Variants in PIEZO2 observed in about 807,000 individuals in gnomAD.
The protein encoded by PIEZO2 is piezo type mechanosensitive ion channel component 2.
PIEZO2 carries 172 observed loss-of-function variants against 337.3 expected under a neutral mutation model. That is an observed-to-expected ratio of 0.51 (90% confidence interval 0.45 to 0.58). The LOEUF is 0.58. PIEZO2 is among the 20% of genes least tolerant of loss of function. The probability of loss-of-function intolerance (pLI) is 0.00; values close to 1 mark genes in which losing one functional copy is unlikely to be tolerated. For synonymous variants in PIEZO2, 1,251 were observed against 1,228.5 expected, an observed-to-expected ratio of 1.02 and a Z score of -0.38; for missense variants, 3,028 against 3,391.3, an observed-to-expected ratio of 0.89 and a Z score of 2.66.
At chr18:11,081,312 G>A (rs1308767759) in intron 1 of PIEZO2, among the ~76,000 whole-genome samples, 2 of 152,124 alleles carry the variant, frequency 1.3e-5, no homozygotes, top group Non-Finnish European at 2.9e-5. Flanking sequence ...CAAAGAAAGT[G>A]GAAAAATACA....
chr18:10,703,089 A>C (rs531295088), intron 42 of PIEZO2, among the ~76,000 whole-genome samples: 1 of 152,248 alleles, frequency 6.6e-6, no homozygotes, highest in African/African-American at 2.4e-5. Context: ...CCTGACCTCA[A>C]GTGATCCTCC....
In PIEZO2 at chr18:10,699,129, T is replaced by C; in HGVS notation, c.6490A>G (p.Arg2164Gly). 6.5e-7 allele frequency: 1 copy of C among 1,537,252 alleles called. No individual in the cohort carries two copies. The highest frequency in any genetic ancestry group is 1.2e-5 in the South Asian group (1 of 84,064). ...EDDMTESGMA[R>G]EESDDELSLG... Reference sequence around the variant, plus strand: ...GAGAGCTCATCATCTGATTCCTCCCTGGCCATGCCACTTTCAGTCATGTCA... The same window carrying C: ...GAGAGCTCATCATCTGATTCCTCCCCGGCCATGCCACTTTCAGTCATGTCA... Residue 2164 changes from arginine (R) to glycine (G), a missense_variant, in exon 44 of 56, where the codon AGG becomes GGG. Physicochemically the swap from Arg to Gly is moderately radical, Grantham distance 125. Coordinates refer to ENST00000674853, the MANE Select transcript of PIEZO2 (RefSeq NM_001378183.1).
chr18:10,672,918 G>A lies in PIEZO2; in HGVS notation c.8162-45C>T. ...AAATTAAGTTGACATGAGAATTTTA[G>A]GATTTCATGCACAGCAACAGTTTTC... On this transcript the variant is annotated intron_variant, in intron 54 of 55. Transcript: ENST00000674853. This position sits in a 1 kb window ranked among gnomAD's most constrained non-coding sequence, Gnocchi z 4.7. The A allele has an allele frequency of 6.7e-7, 1 of 1,495,960 alleles. No homozygotes were observed. The highest frequency in any genetic ancestry group is 9.2e-7 in the Non-Finnish European group (1 of 1,091,004). 92.7% of individuals were successfully genotyped at this position (1,495,960 alleles called of 1,614,324 possible).
rs528042085 is a variant in PIEZO2 at position 10,812,023 on chromosome 18, C to G, written c.918-4749G>C. On this transcript the variant is annotated intron_variant, in intron 7 of 55. Coordinates refer to ENST00000674853, the MANE Select transcript of PIEZO2 (RefSeq NM_001378183.1). ...TAACTTTTTGTATTTTTAGTAGAGA[C>G]GGGGTTTCACCGTGTTAGCCAGGAT... Among the ~76,000 whole-genome samples the G allele has an allele frequency of 7.2e-5, 11 of 152,170 alleles. No homozygotes were observed. In the East Asian group the frequency reaches 2.1e-3, roughly 29 times the overall value.
At chr18:10,809,267 T>C (rs1416700260) in intron 7 of PIEZO2, among the ~76,000 whole-genome samples, 5 of 125,042 alleles carry the variant, frequency 4.0e-5, no homozygotes, top group Non-Finnish European at 6.6e-5. Context: ...TCTCTTTTTT[T>C]TTTTTTTTTT....
intron 40 of PIEZO2, 109 bp from the exon 41 acceptor site, chr18:10,705,855 T>G (rs1005381439): frequency 8.4e-6 from 11 of 1,302,294 alleles, no homozygotes; most frequent in Non-Finnish European, 4.1e-6. Flanking sequence ...AATGCCCCAT[T>G]TTCCCCCCTG....
chr18:10,701,827 T>C (rs1382178300), intron 43 of PIEZO2, 162 bp downstream of exon 43: 4 of 498,794 alleles, frequency 8.0e-6, no homozygotes, highest in African/African-American at 2.2e-5. Flanking sequence ...CTTTTTCTTT[T>C]CTCTCTCTTT....
At chr18:10,703,117 G>A (rs1020591160) in intron 42 of PIEZO2, among the ~76,000 whole-genome samples, 2 of 152,188 alleles carry the variant, frequency 1.3e-5, no homozygotes, top group Non-Finnish European at 2.9e-5. Flanking sequence ...GCCTCTTAAA[G>A]TGCTGGGACT....
chr18:10,949,745 T>C (rs772488579), intron 3 of PIEZO2, among the ~76,000 whole-genome samples: 2 of 152,186 alleles, frequency 1.3e-5, no homozygotes, highest in African/African-American at 4.8e-5. Flanking sequence ...CTCTAAGAAG[T>C]CATTATCAGA....
chr18:10,971,046 T>A (rs2034216275), intron 3 of PIEZO2, among the ~76,000 whole-genome samples: 1 of 152,154 alleles, frequency 6.6e-6, no homozygotes, highest in Admixed American at 6.5e-5. Flanking sequence ...ATGCTTGGCA[T>A]TAATCAGGCC....
Position 10,696,094 on chromosome 18 carries a change from G to A in PIEZO2, c.7170C>T (p.Ile2390=). The stretch of plus-strand genomic sequence containing the variant: ...CTTACCTCTCAGTCACACCAGGTAA[G>A]ATGAAGAACATCCAGAAGTGAATTC... ...VFGIHFWMFF[I]LPGVTERKFS... Residue 2390 remains isoleucine (I), a synonymous_variant, in exon 47 of 56, where the codon ATC becomes ATT. Transcript: ENST00000674853. 1 of 1,614,052 alleles carries A rather than the reference G, an allele frequency of 6.2e-7. No homozygotes were observed. The highest frequency in any genetic ancestry group is 8.5e-7 in the Non-Finnish European group (1 of 1,179,886).
intron 16 of PIEZO2, among the ~76,000 whole-genome samples, chr18:10,785,680 C>A (rs1485908758): frequency 2.6e-5 from 4 of 152,146 alleles, no homozygotes; most frequent in African/African-American, 7.2e-5. Flanking sequence ...TCCACATTTC[C>A]TTCAGCATCC....
intron 1 of PIEZO2, among the ~76,000 whole-genome samples, chr18:11,089,832 C>G (rs142580714): frequency 6.6e-6 from 1 of 152,224 alleles, no homozygotes; most frequent in Non-Finnish European, 1.5e-5. Context: ...CTCTGTCCAA[C>G]GAGCATTTCC....
At chr18:10,788,427 AAAGGAAGGAAGGAAGGAAGGAAGGAAGG>A (rs10532745) in intron 15 of PIEZO2, among the ~76,000 whole-genome samples, 22 of 123,948 alleles carry the variant, frequency 1.8e-4, no homozygotes, top group Admixed American at 9.3e-4. Flanking sequence ...AAAAAGAAAG[AAAGGAAGGAAGGAAGGAAGGAAGGAAGG>A]AAGGAAGGAA....
rs1291250170 is a variant in PIEZO2, at chr18:11,143,309, C to CA, written c.64+5215dup. ...TTCTAAGTTCTCCTGAATATTTATG[C>CA]AAAAAAGCATATTATACACATCATT... is the stretch of plus-strand genomic sequence containing the variant. On this transcript the variant is annotated intron_variant, in intron 1 of 55. Transcript: ENST00000674853. The surrounding 1 kb of genome is among the most constrained non-coding windows in gnomAD (Gnocchi z 4.9). Among the ~76,000 whole-genome samples the CA allele has an allele frequency of 4.0e-5, 6 of 151,882 alleles. No homozygotes were observed. The highest frequency in any genetic ancestry group is 5.9e-5 in the Non-Finnish European group (4 of 67,962).
rs7244357 is a variant in PIEZO2 at position 11,002,567 on chromosome 18, T to G, written c.161-22907A>C. Among the ~76,000 whole-genome samples the G allele has an allele frequency of 0.039, 6,005 of 152,288 alleles. 377 individuals are homozygous for G. The highest frequency in any genetic ancestry group is 0.13 in the African/African-American group (5,554 of 41,530). ...AGAAGACCCCACACACACTTTCACT[T>G]TCTCTAATTTCACCATTTCCAGAAG... On this transcript the variant is annotated intron_variant, in intron 2 of 55. Transcript: ENST00000674853. The surrounding 1 kb of genome is among the most constrained non-coding windows in gnomAD (Gnocchi z 4.3).
intron 4 of PIEZO2, among the ~76,000 whole-genome samples, chr18:10,892,990 G>C (rs750928006): frequency 6.6e-6 from 1 of 152,180 alleles, no homozygotes; most frequent in Non-Finnish European, 1.5e-5. Context: ...TTTCAACAGA[G>C]CTGCTTCAGT....
At position 10,761,020 on chromosome 18, in the gene PIEZO2, G is replaced by A. The variant is rs1281865492; in HGVS notation, c.3341C>T (p.Pro1114Leu). Residue 1114 changes from proline (P) to leucine (L), a missense_variant, in exon 24 of 56, where the codon CCT becomes CTT. Physicochemically the swap from Pro to Leu is moderately conservative, Grantham distance 98. Transcript: ENST00000674853. The part of the protein sequence containing the change: ...YYRGRNNLTA[P>L]VSRTIFHDIT... ...GTCATGAAAGATAGTTCTAGACACA[G>A]GGGCCGTCAGGTTATTTCGACCTCG... is the stretch of plus-strand genomic sequence containing the variant. 6.5e-7 allele frequency: 1 copy of A among 1,536,562 alleles called. No homozygotes were observed. The highest frequency in any genetic ancestry group is 1.4e-5 in the African/African-American group (1 of 73,158).
In PIEZO2 at chr18:10,672,791, C is replaced by T. The variant is rs747632793; in HGVS notation, c.8244G>A (p.Leu2748=). 6.2e-7 allele frequency: 1 copy of T among 1,613,876 alleles called. No homozygotes were observed. The highest frequency in any genetic ancestry group is 1.1e-5 in the South Asian group (1 of 91,068). ...TCGGATTGTATATTCTGTTTCCAGT[C>T]AGGTTGAGAACCCACCACTCACTGT... ...KYNSEWWVLN[L]TGNRIYNPNS... The change falls in exon 55 of 56, where the codon CTG becomes CTA. Residue 2748 remains leucine (L), a synonymous_variant. Coordinates refer to ENST00000674853, the MANE Select transcript of PIEZO2 (RefSeq NM_001378183.1). The surrounding 1 kb of genome is among the most constrained non-coding windows in gnomAD (Gnocchi z 4.7).
Sources: gnomAD v4.1 joint callset for allele counts (sites outside exome capture counted in the v4.1 genomes callset) on GRCh38, gnomAD v4.1.1 for gene constraint, Gnocchi (gnomAD v3.1) non-coding constraint, MANE v1.5 for transcripts, NCBI Gene and HGNC (gene_info 2026-07-23, HGNC 2026-07-21) for gene names.